RPL10A: variants seen among roughly 807,000 people sequenced by gnomAD.
RPL10A encodes the protein ribosomal protein L10a, also known as large ribosomal subunit protein uL1.
Under a neutral mutation model 24.6 loss-of-function variants are expected in RPL10A, and 11 were observed. The observed-to-expected ratio is 0.45, with a 90% CI of 0.28 to 0.74. The LOEUF (loss-of-function observed/expected upper bound fraction) is 0.74. RPL10A is among the 30% of genes least tolerant of loss of function. RPL10A has a pLI of 0.13. For missense variants in RPL10A, 136 were observed against 273.1 expected, an observed-to-expected ratio of 0.50 and a Z score of 3.54; for synonymous variants, 98 against 108.5, an observed-to-expected ratio of 0.90 and a Z score of 0.60.
At chr6:35,469,252 C>G in intron 3 of RPL10A, 129 bp from the exon 4 acceptor site, 2 of 1,497,554 alleles carry the variant, frequency 1.3e-6, no homozygotes, top group Non-Finnish European at 1.8e-6. Context: ...GCCTGAGAAG[C>G]CAGGCTGGCT....
chr6:35,468,410 T>C lies in RPL10A; in HGVS notation c.-25T>C, dbSNP rs753981454. ...ATGCGCAAGACATGCTAGTCTCTTT[T>C]CCGGTTAGCGCGGCGTGAGAAGCCA... is the stretch of plus-strand genomic sequence containing the variant. On this transcript the variant is annotated 5_prime_UTR_variant, in exon 1 of 6. Transcript: ENST00000322203. The C allele has an allele frequency of 5.6e-6, 9 of 1,613,952 alleles. No individual in the cohort carries two copies. In the Admixed American group the frequency reaches 1.5e-4, roughly 27 times the overall value.
chr6:35,468,728 T>G, intron 1 of RPL10A, 71 bp from the exon 2 acceptor site: 5 of 1,547,864 alleles, frequency 3.2e-6, no homozygotes, highest in Non-Finnish European at 4.4e-6. Context: ...AGCCTAGACC[T>G]CGGAGGCTTC....
rs755822381 is a variant in RPL10A, at chr6:35,470,417, CTAAA to C, written c.483+69_483+72del. 2.6e-6 allele frequency: 4 copies of C among 1,547,452 alleles called. No individual in the cohort carries two copies. The highest frequency in any genetic ancestry group is 1.4e-5 in the African/African-American group (1 of 73,488). ...CAGGGTCTAAATCTTATCCAAGTCT[CTAAA>C]TATGCCAGTAAGAGCACCCACCAGG... On this transcript the variant is annotated intron_variant, in intron 5 of 5. Transcript: ENST00000322203. This position sits in a 1 kb window ranked among gnomAD's most constrained non-coding sequence, Gnocchi z 4.6.
At position 35,470,537 on chromosome 6, in the gene RPL10A, T is replaced by A; in HGVS notation, c.484-43T>A. 6.3e-7 allele frequency: 1 copy of A among 1,588,154 alleles called. No homozygotes were observed. The highest frequency in any genetic ancestry group is 8.6e-7 in the Non-Finnish European group (1 of 1,160,514). On this transcript the variant is annotated intron_variant, in intron 5 of 5. Transcript: ENST00000322203. This position sits in a 1 kb window ranked among gnomAD's most constrained non-coding sequence, Gnocchi z 4.6. ...GGGAGGAAGGACAGGCCATCTGCTA[T>A]TCGTCCACCAACCTGACTTGATCCT...
chr6:35,468,618 C>A, intron 1 of RPL10A, 179 bp downstream of exon 1: 1 of 1,530,100 alleles, frequency 6.5e-7, no homozygotes, highest in South Asian at 1.2e-5. Flanking sequence ...GAGAGCCTCC[C>A]TCTTCCACCG....
rs770594893 is a variant in RPL10A, at chr6:35,468,429, G to A, written c.-6G>A. ...CTCTTTTCCGGTTAGCGCGGCGTGA[G>A]AAGCCATGAGGTGAGTTGGTCCTGA... On this transcript the variant is annotated 5_prime_UTR_variant, in exon 1 of 6. Transcript: ENST00000322203. 1.2e-6 allele frequency: 2 copies of A among 1,613,970 alleles called. No individual in the cohort carries two copies. Among genetic ancestry groups the A allele is most frequent in the East Asian group, 2.2e-5 (1 of 44,890 alleles).
At chr6:35,468,584 C>A (rs1581715297) in intron 1 of RPL10A, 145 bp downstream of exon 1, 2 of 1,573,104 alleles carry the variant, frequency 1.3e-6, no homozygotes, top group South Asian at 1.1e-5. Context: ...CTGCGGGTCG[C>A]CCTTCCTACC....
rs1405387315 is a variant in RPL10A at position 35,468,786 on chromosome 6, T to C, written c.6-13T>C. The stretch of plus-strand genomic sequence containing the variant: ...TCCGCGGCCCTGAGCGCCCTGTCGC[T>C]TCTCTCCCGCAGCAGCAAAGTCTCT... On this transcript the variant is annotated splice_polypyrimidine_tract_variant and intron_variant, in intron 1 of 5. Coordinates refer to ENST00000322203, the MANE Select transcript of RPL10A (RefSeq NM_007104.5). 2 of 1,583,120 alleles carry C rather than the reference T, an allele frequency of 1.3e-6. No homozygotes were observed. The highest frequency in any genetic ancestry group is 1.7e-6 in the Non-Finnish European group (2 of 1,164,936).
intron 3 of RPL10A, 82 bp downstream of exon 3, chr6:35,469,109 G>C: frequency 1.3e-6 from 2 of 1,580,542 alleles, no homozygotes; most frequent in Non-Finnish European, 8.6e-7. Flanking sequence ...AGCCGGAGGC[G>C]GGCACGTCGG....
In RPL10A at chr6:35,470,517, G is replaced by T; in HGVS notation, c.484-63G>T. 1 of 1,545,588 alleles carries T rather than the reference G, an allele frequency of 6.5e-7. No homozygotes were observed. On this transcript the variant is annotated intron_variant, in intron 5 of 5. Transcript: ENST00000322203. The surrounding 1 kb of genome is among the most constrained non-coding windows in gnomAD (Gnocchi z 4.6). ...CCTGCTCACCAGGCCACTGGGGGAG[G>T]AAGGACAGGCCATCTGCTATTCGTC...
intron 3 of RPL10A, 138 bp from the exon 4 acceptor site, chr6:35,469,243 C>A: frequency 6.7e-7 from 1 of 1,492,480 alleles, no homozygotes; most frequent in Non-Finnish European, 8.9e-7. Context: ...CGCCGGCCAG[C>A]CTGAGAAGCC....
rs1055282252 is a variant in RPL10A at position 35,468,933 on chromosome 6, C to T, written c.81-14C>T. ...GAGGGCCGGCGGGTGCTTAACCCCCCTCCTCTCTCGAAGGTTCCTGGAGAC... is the reference window on the plus strand; with the variant it reads ...GAGGGCCGGCGGGTGCTTAACCCCCTTCCTCTCTCGAAGGTTCCTGGAGAC... On this transcript the variant is annotated splice_polypyrimidine_tract_variant and intron_variant, in intron 2 of 5. Transcript: ENST00000322203. 1.9e-6 allele frequency: 3 copies of T among 1,613,938 alleles called. No homozygotes were observed. The highest frequency in any genetic ancestry group is 2.2e-5 in the East Asian group (1 of 44,860).
At chr6:35,468,756 T>G (rs1485378913) in intron 1 of RPL10A, 43 bp from the exon 2 acceptor site, 1 of 1,556,578 alleles carries the variant, frequency 6.4e-7, no homozygotes, top group Non-Finnish European at 8.7e-7. Flanking sequence ...TCCGAGCGTG[T>G]GGACTCCGCG....
At position 35,470,157 on chromosome 6, in the gene RPL10A, A is replaced by G. The variant is rs1767998262; in HGVS notation, c.311-22A>G. On this transcript the variant is annotated intron_variant, in intron 4 of 5. Transcript: ENST00000322203. The surrounding 1 kb of genome is among the most constrained non-coding windows in gnomAD (Gnocchi z 4.6). ...TGGTGACCAGGTTCTAAGCAATGCCAATGGCTTCCTCTCTCTATCAGCCAA... is the reference window on the plus strand; with the variant it reads ...TGGTGACCAGGTTCTAAGCAATGCCGATGGCTTCCTCTCTCTATCAGCCAA... 1.9e-6 allele frequency: 3 copies of G among 1,606,194 alleles called. No homozygotes were observed. The highest frequency in any genetic ancestry group is 2.7e-5 in the African/African-American group (2 of 74,758).
chr6:35,469,986 G>A (rs1303331147), intron 4 of RPL10A, among the ~76,000 whole-genome samples, 193 bp from the exon 5 acceptor site: 1 of 152,076 alleles, frequency 6.6e-6, no homozygotes, highest in African/African-American at 2.4e-5. Flanking sequence ...GCATGTTTTG[G>A]GACCAGTGAA....
At chr6:35,468,499 G>A in intron 1 of RPL10A, 60 bp downstream of exon 1, 2 of 1,611,714 alleles carry the variant, frequency 1.2e-6, no homozygotes, top group East Asian at 2.2e-5. Context: ...CCCCGCCGAG[G>A]GTTCGGATCC....
rs1554123134 is a variant in RPL10A at position 35,468,405 on chromosome 6, T to C, written c.-30T>C. 1 of 1,614,064 alleles carries C rather than the reference T, an allele frequency of 6.2e-7. No individual in the cohort carries two copies. Among genetic ancestry groups the C allele is most frequent in the East Asian group, 2.2e-5 (1 of 44,872 alleles). On this transcript the variant is annotated 5_prime_UTR_variant, in exon 1 of 6. Coordinates refer to ENST00000322203, the MANE Select transcript of RPL10A (RefSeq NM_007104.5). ...AGCGCATGCGCAAGACATGCTAGTC[T>C]CTTTTCCGGTTAGCGCGGCGTGAGA...
intron 1 of RPL10A, 173 bp from the exon 2 acceptor site, chr6:35,468,626 C>T: frequency 6.6e-7 from 1 of 1,524,206 alleles, no homozygotes; most frequent in Non-Finnish European, 8.8e-7. Context: ...CCCTCTTCCA[C>T]CGGGGCTTGG....
intron 3 of RPL10A, 44 bp downstream of exon 3, chr6:35,469,071 C>A (rs1767960263): frequency 2.5e-6 from 4 of 1,606,122 alleles, no homozygotes; most frequent in Non-Finnish European, 3.4e-6. Context: ...TGCCCCCGTG[C>A]TTGCCCCTCC....
Sources: allele counts gnomAD v4.1 joint callset (sites outside exome capture counted in the v4.1 genomes callset), GRCh38; gene constraint gnomAD v4.1.1; non-coding constraint Gnocchi (gnomAD v3.1); transcripts MANE v1.5; gene names NCBI Gene and HGNC (gene_info 2026-07-23, HGNC 2026-07-21).